Variants in PCDHA10 observed in about 807,000 individuals in gnomAD.
PCDHA10 encodes protocadherin alpha 10.
Under a neutral mutation model 61.2 loss-of-function variants are expected in PCDHA10, and 45 were observed. The observed-to-expected ratio is 0.74, with a 90% CI of 0.58 to 0.94. The LOEUF is 0.94. PCDHA10 is among the 40% of genes least tolerant of loss of function. The pLI, the probability that PCDHA10 is intolerant of heterozygous loss-of-function variation, is 0.00. For missense variants in PCDHA10, 1,278 were observed against 1,236.2 expected (o/e 1.03, Z -0.51); for synonymous variants, 602 against 548.8 (o/e 1.10, Z -1.35).
rs545348313 is a variant in PCDHA10, at chr5:140,968,526, C to T, written c.2389-10423C>T. ...ATTCTGTACCCTACCTCAACCAACTCGTCAGCAGCCTTCGAGATGGTGCCT... is the reference window on the plus strand; with the variant it reads ...ATTCTGTACCCTACCTCAACCAACTTGTCAGCAGCCTTCGAGATGGTGCCT... On this transcript the variant is annotated intron_variant, in intron 1 of 3. Transcript: ENST00000307360. 9.9e-6 allele frequency: 16 copies of T among 1,614,200 alleles called. No individual in the cohort carries two copies. The Admixed American group carries it at 1.3e-4, about 13-fold the overall frequency.
intron 1 of PCDHA10, among the ~76,000 whole-genome samples, chr5:140,893,840 T>C (rs548325710): frequency 6.6e-6 from 1 of 152,312 alleles, no homozygotes; most frequent in Non-Finnish European, 1.5e-5. Flanking sequence ...GCCATCCTGA[T>C]GCCCTACCTC....
intron 1 of PCDHA10, among the ~76,000 whole-genome samples, chr5:140,897,022 A>G (rs1009125089): frequency 2.6e-5 from 4 of 152,142 alleles, no homozygotes; most frequent in Non-Finnish European, 2.9e-5. Flanking sequence ...CAACTAAATT[A>G]TTTAGACCAT....
intron 1 of PCDHA10, among the ~76,000 whole-genome samples, chr5:140,938,406 T>C (rs1283027205): frequency 6.6e-6 from 1 of 152,240 alleles, no homozygotes; most frequent in African/African-American, 2.4e-5. Flanking sequence ...ATTGTTTGAT[T>C]GGGTTTATTT....
In PCDHA10 at chr5:140,953,296, G is replaced by A. The variant is rs118116883; in HGVS notation, c.2389-25653G>A. 7.9e-5 allele frequency among the ~76,000 whole-genome samples: 12 copies of A among 152,162 alleles called. No individual in the cohort carries two copies. The East Asian group carries it at 1.5e-3, about 20-fold the overall frequency. Reference sequence around the variant, plus strand: ...TGCTCTTTATATGTGATTCAGGGACGGCAGAGATGTGGGAAGAATTTGATC... The same window carrying A: ...TGCTCTTTATATGTGATTCAGGGACAGCAGAGATGTGGGAAGAATTTGATC... On this transcript the variant is annotated intron_variant, in intron 1 of 3. Coordinates refer to ENST00000307360, the MANE Select transcript of PCDHA10 (RefSeq NM_018901.4).
chr5:140,941,214 C>CTTTCTTTCTTTCTGTCTTT, intron 1 of PCDHA10, among the ~76,000 whole-genome samples: 1 of 122,492 alleles, frequency 8.2e-6, no homozygotes, highest in African/African-American at 3.1e-5. Flanking sequence ...TTTCTTTCTT[C>CTTTCTTTCTTTCTGTCTTT]CTTTCTTTCT....
chr5:140,859,100 T>C (rs1372747667), intron 1 of PCDHA10: 1 of 150,268 alleles, frequency 6.7e-6, no homozygotes, highest in East Asian at 1.9e-4. Flanking sequence ...ATTATTCACT[T>C]AGCAGAAGAA....
rs1019397100 is a variant in PCDHA10, at chr5:140,953,409, G to A, written c.2389-25540G>A. On this transcript the variant is annotated intron_variant, in intron 1 of 3. Transcript: ENST00000307360. ...TGTGGATTACAGTGCTGTTGCTCCTGGCTCCTCCCCTTTGTCCTTAAGCTG... is the reference window on the plus strand; with the variant it reads ...TGTGGATTACAGTGCTGTTGCTCCTAGCTCCTCCCCTTTGTCCTTAAGCTG... Among the ~76,000 whole-genome samples, 14 of 152,194 alleles carry A rather than the reference G, an allele frequency of 9.2e-5. No individual in the cohort carries two copies. The South Asian group carries it at 2.9e-3, about 32-fold the overall frequency.
chr5:140,945,701 CA>C (rs1563215722), intron 1 of PCDHA10, among the ~76,000 whole-genome samples: 1 of 151,988 alleles, frequency 6.6e-6, no homozygotes, highest in Non-Finnish European at 1.5e-5. Context: ...CACTGATTTG[CA>C]ACAAAAGTAT....
intron 1 of PCDHA10, chr5:140,929,151 T>C: frequency 6.2e-7 from 1 of 1,614,202 alleles, no homozygotes; most frequent in East Asian, 2.2e-5. Context: ...TTTCTCAGAC[T>C]TATCTCTATC....
rs566522528 is a variant in PCDHA10, at chr5:140,881,283, A to C, written c.2388+22847A>C. On this transcript the variant is annotated intron_variant, in intron 1 of 3. Coordinates refer to ENST00000307360, the MANE Select transcript of PCDHA10 (RefSeq NM_018901.4). ...TCAGTGATGATGAAGTAAGATGGAG[A>C]GAGAAAATGGAAACTTTAACCTCCT... 1.3e-5 allele frequency: 10 copies of C among 799,388 alleles called. No homozygotes were observed. The African/African-American group carries it at 1.9e-4, about 15-fold the overall frequency. The allele number at this position is 799,388 out of a possible 1,614,324, so 49.5% of individuals were successfully genotyped here.
intron 1 of PCDHA10, among the ~76,000 whole-genome samples, chr5:140,958,077 A>C (rs2095408004): frequency 1.3e-5 from 2 of 152,124 alleles, no homozygotes; most frequent in African/African-American, 4.8e-5. Context: ...AGAAGCAAAA[A>C]GTAAAGTTGT....
intron 3 of PCDHA10, among the ~76,000 whole-genome samples, chr5:141,007,324 A>G (rs35241677): frequency 0.053 from 8,037 of 150,420 alleles, 253 homozygotes; most frequent in South Asian, 0.11. Context: ...GCTAAAGTGG[A>G]CAGATTGCCT....
intron 1 of PCDHA10, among the ~76,000 whole-genome samples, chr5:140,873,602 C>T (rs1554166789): frequency 6.6e-6 from 1 of 152,118 alleles, no homozygotes; most frequent in African/African-American, 2.4e-5. Flanking sequence ...TTAGATGTTC[C>T]TATTGGCTTA....
At chr5:140,975,045 A>G (rs1249490997) in intron 1 of PCDHA10, among the ~76,000 whole-genome samples, 1 of 152,112 alleles carries the variant, frequency 6.6e-6, no homozygotes, top group Non-Finnish European at 1.5e-5. Context: ...GGCTCTTAGG[A>G]AGAATCTACT....
intron 1 of PCDHA10, chr5:140,966,973 G>C (rs782189736): frequency 6.2e-7 from 1 of 1,602,934 alleles, no homozygotes; most frequent in Non-Finnish European, 8.5e-7. Context: ...GGCTTGAGCT[G>C]CGGCGCTTGG....
At chr5:140,972,854 G>C (rs895738831) in intron 1 of PCDHA10, among the ~76,000 whole-genome samples, 1 of 151,946 alleles carries the variant, frequency 6.6e-6, no homozygotes, top group African/African-American at 2.4e-5. Context: ...AGTAGAGATG[G>C]GGTTTCATCA....
chr5:140,878,342 CAAT>C (rs1416409658), intron 1 of PCDHA10, among the ~76,000 whole-genome samples: 2 of 152,076 alleles, frequency 1.3e-5, no homozygotes, highest in Non-Finnish European at 2.9e-5. Flanking sequence ...GGTATTATCA[CAAT>C]AATATAAATG....
At chr5:140,877,811 G>A in intron 1 of PCDHA10, 1 of 1,610,242 alleles carries the variant, frequency 6.2e-7, no homozygotes, top group Non-Finnish European at 8.5e-7. Context: ...CAGCTGTCTC[G>A]AGAAGATTGT....
At chr5:140,924,902 A>AAAAAAT (rs1554202311) in intron 1 of PCDHA10, among the ~76,000 whole-genome samples, 400 of 39,066 alleles carry the variant, frequency 0.01, 1 homozygote, top group Middle Eastern at 0.023. Flanking sequence ...CTCAAAAAAA[A>AAAAAAT]AAATAAAATA....
Sources: gnomAD v4.1 joint callset for allele counts (sites outside exome capture counted in the v4.1 genomes callset) on GRCh38, gnomAD v4.1.1 for gene constraint, MANE v1.5 for transcripts, NCBI Gene and HGNC (gene_info 2026-07-23, HGNC 2026-07-21) for gene names.